Variants in CNKSR2 observed in about 807,000 individuals in gnomAD.
CNKSR2 encodes connector enhancer of kinase suppressor of Ras 2, also known as CNK homolog protein 2.
Under a neutral mutation model 84.4 loss-of-function variants are expected in CNKSR2, and 14 were observed. The observed-to-expected ratio is 0.17, with a 90% confidence interval of 0.11 to 0.26. The LOEUF (loss-of-function observed/expected upper bound fraction) is 0.26. CNKSR2 is among the 10% of genes least tolerant of loss of function. CNKSR2 has a pLI of 1.00. For missense variants in CNKSR2, 485 were observed against 771.2 expected (o/e 0.63, Z 4.40); for synonymous variants, 275 against 277.9 (o/e 0.99, Z 0.10).
chrX:21,587,583 A>C (rs192205730), intron 13 of CNKSR2, among the ~76,000 whole-genome samples: 1 of 111,617 alleles, frequency 9.0e-6, no homozygotes, highest in East Asian at 2.8e-4. Flanking sequence ...ATAATCTTAA[A>C]ACTGGAAAAA....
chrX:21,617,013 A>G (rs1177917426), intron 20 of CNKSR2, among the ~76,000 whole-genome samples: 1 of 112,265 alleles, frequency 8.9e-6, no homozygotes, highest in Non-Finnish European at 1.9e-5. Flanking sequence ...GTCAAGTCAC[A>G]ACAGCAGAAG....
intron 11 of CNKSR2, among the ~76,000 whole-genome samples, chrX:21,540,478 G>A (rs2091967048): frequency 9.0e-6 from 1 of 111,426 alleles, no homozygotes; most frequent in Non-Finnish European, 1.9e-5. Flanking sequence ...ATATTATCTT[G>A]TATTTGAAAA....
intron 9 of CNKSR2, among the ~76,000 whole-genome samples, chrX:21,520,988 G>A (rs868782563): frequency 2.7e-5 from 3 of 110,205 alleles, no homozygotes; most frequent in South Asian, 7.6e-4. Context: ...AGAAAGAAAA[G>A]AGTCATAGTA....
chrX:21,592,357 G>T (rs2092426238), intron 15 of CNKSR2: 1 of 111,771 alleles, frequency 8.9e-6, no homozygotes, highest in Non-Finnish European at 1.9e-5. Flanking sequence ...GAGGCAGGAG[G>T]ATCACTTGAG....
At chrX:21,469,893 C>T in intron 4 of CNKSR2, among the ~76,000 whole-genome samples, 1 of 111,917 alleles carries the variant, frequency 8.9e-6, no homozygotes, top group East Asian at 2.8e-4. Flanking sequence ...GCCTGGGCAA[C>T]AAGAGCAAAA....
chrX:21,605,611 G>A (rs1172898762), intron 18 of CNKSR2, among the ~76,000 whole-genome samples: 2 of 111,646 alleles, frequency 1.8e-5, no homozygotes, highest in Non-Finnish European at 3.8e-5. Context: ...TTAGGGTAAG[G>A]CAGTTTCTTA....
intron 20 of CNKSR2, among the ~76,000 whole-genome samples, chrX:21,628,688 G>A (rs2092634973): frequency 9.0e-6 from 1 of 111,103 alleles, no homozygotes; most frequent in African/African-American, 3.3e-5. Context: ...TGGGACACAG[G>A]GCGCCACACC....
At chrX:21,635,805 T>C (rs922023961) in intron 20 of CNKSR2, among the ~76,000 whole-genome samples, 9 of 110,722 alleles carry the variant, frequency 8.1e-5, no homozygotes, top group Non-Finnish European at 1.5e-4. Flanking sequence ...TGTATCTCCA[T>C]AACCCCAACT....
intron 13 of CNKSR2, among the ~76,000 whole-genome samples, chrX:21,583,659 A>G (rs758340557): frequency 8.9e-6 from 1 of 111,981 alleles, no homozygotes; most frequent in African/African-American, 3.2e-5. Context: ...TTGATTGCAA[A>G]TTTTTCCTTA....
intron 1 of CNKSR2, among the ~76,000 whole-genome samples, chrX:21,388,142 G>A (rs1286292960): frequency 9.0e-6 from 1 of 111,173 alleles, no homozygotes; most frequent in African/African-American, 3.3e-5. Context: ...CTCGTGATCC[G>A]CCCACCTCAG....
intron 1 of CNKSR2, among the ~76,000 whole-genome samples, chrX:21,394,386 T>G (rs2090092639): frequency 8.9e-6 from 1 of 111,974 alleles, no homozygotes; most frequent in South Asian, 3.8e-4. Flanking sequence ...GGCTTTGTTT[T>G]GGGAACTCTT....
intron 3 of CNKSR2, among the ~76,000 whole-genome samples, chrX:21,440,265 TAGTG>T (rs1346527710): frequency 9.0e-6 from 1 of 111,485 alleles, no homozygotes; most frequent in Non-Finnish European, 1.9e-5. Flanking sequence ...AACTGGCACA[TAGTG>T]AGCCCTCAGT....
chrX:21,435,302 A>G (rs1269888285), intron 3 of CNKSR2, among the ~76,000 whole-genome samples: 1 of 110,999 alleles, frequency 9.0e-6, no homozygotes, highest in African/African-American at 3.3e-5. Flanking sequence ...ATACCTTTCA[A>G]GATTATTCTA....
At chrX:21,525,690 C>G (rs931063250) in intron 9 of CNKSR2, among the ~76,000 whole-genome samples, 2 of 110,894 alleles carry the variant, frequency 1.8e-5, no homozygotes, top group African/African-American at 6.5e-5. Flanking sequence ...TTTTGTTTAT[C>G]TGTACAAAAG....
intron 9 of CNKSR2, 142 bp downstream of exon 9, chrX:21,516,773 C>G: frequency 2.1e-6 from 1 of 475,357 alleles, no homozygotes; most frequent in Non-Finnish European, 3.3e-6. Context: ...ATGATCTCTT[C>G]ACAGCTATTC....
At chrX:21,644,888 T>C (rs909597410) in intron 20 of CNKSR2, 3 of 112,171 alleles carry the variant, frequency 2.7e-5, no homozygotes, top group African/African-American at 9.7e-5. Context: ...AATAAGAGTG[T>C]GCAATCAGAA....
chrX:21,482,900 C>A (rs1372290546), intron 5 of CNKSR2, among the ~76,000 whole-genome samples: 1 of 111,440 alleles, frequency 9.0e-6, no homozygotes, highest in Non-Finnish European at 1.9e-5. Context: ...GTTTTCCAGG[C>A]CTTATTGGGA....
intron 8 of CNKSR2, among the ~76,000 whole-genome samples, chrX:21,514,341 G>A (rs1360612622): frequency 9.0e-6 from 1 of 111,670 alleles, no homozygotes; most frequent in Non-Finnish European, 1.9e-5. Context: ...CATTGTTAAT[G>A]TCATGTGAAT....
intron 1 of CNKSR2, among the ~76,000 whole-genome samples, chrX:21,406,209 G>A (rs898734528): frequency 9.0e-6 from 1 of 111,350 alleles, no homozygotes; most frequent in African/African-American, 3.3e-5. Context: ...GAGGGATCTA[G>A]GTTGTGCACT....
Sources: allele counts gnomAD v4.1 joint callset (sites outside exome capture counted in the v4.1 genomes callset), GRCh38; gene constraint gnomAD v4.1.1; transcripts MANE v1.5; gene names NCBI Gene and HGNC (gene_info 2026-07-23, HGNC 2026-07-21).